The following KCNA2 variants were observed in gnomAD, a reference collection of about 807,000 sequenced individuals.
KCNA2 encodes the protein potassium channel, voltage gated shaker related subfamily A, member 2.
KCNA2 carries 11 observed loss-of-function variants against 33.4 expected under a neutral mutation model. That is an observed-to-expected ratio of 0.33 (90% CI 0.21 to 0.55). KCNA2 has a LOEUF of 0.55. KCNA2 is among the 20% of genes least tolerant of loss of function. The pLI is 0.93. For missense variants in KCNA2, 291 were observed against 621.6 expected, an observed-to-expected ratio of 0.47 and a Z score of 5.66; for synonymous variants, 222 against 231.3, an observed-to-expected ratio of 0.96 and a Z score of 0.37.
rs2101366501 is a variant in KCNA2, at chr1:110,598,030, C to T, written c.*5253G>A. ...AGTCTGAAGATATAGATGATGGTCACAATAGCTACTGAGAGAGCTCCCAGC... is the reference window on the plus strand; with the variant it reads ...AGTCTGAAGATATAGATGATGGTCATAATAGCTACTGAGAGAGCTCCCAGC... On this transcript the variant is annotated 3_prime_UTR_variant, in exon 3 of 3. Coordinates refer to ENST00000316361, the MANE Select transcript of KCNA2 (RefSeq NM_004974.4). 1.0e-6 allele frequency: 1 copy of T among 985,394 alleles called. No individual in the cohort carries two copies. Among genetic ancestry groups the T allele is most frequent in the Non-Finnish European group, 1.2e-6 (1 of 829,968 alleles). The allele number at this position is 985,394 out of a possible 1,614,324, so 61.0% of individuals were successfully genotyped here.
intron 1 of KCNA2, among the ~76,000 whole-genome samples, chr1:110,622,223 G>A (rs1018300486): frequency 2.6e-5 from 4 of 152,036 alleles, no homozygotes; most frequent in African/African-American, 9.7e-5. Context: ...TTCACCATAT[G>A]AAAAATATGA....
At position 110,595,521 on chromosome 1, in the gene KCNA2, A is replaced by G. The variant is rs1343199963; in HGVS notation, c.*7762T>C. 3.5e-5 allele frequency: 34 copies of G among 985,264 alleles called. No homozygotes were observed. The highest frequency in any genetic ancestry group is 4.0e-5 in the Non-Finnish European group (33 of 829,942). The allele number at this position is 985,264 out of a possible 1,614,324, so 61.0% of individuals were successfully genotyped here. Reference sequence around the variant, plus strand: ...TCAATTGCTCCAGATACAGTGAAAAATCCCTCCCACTCCCATCTAGGTAGA... The same window carrying G: ...TCAATTGCTCCAGATACAGTGAAAAGTCCCTCCCACTCCCATCTAGGTAGA... On this transcript the variant is annotated 3_prime_UTR_variant, in exon 3 of 3. Transcript: ENST00000316361.
intron 1 of KCNA2, among the ~76,000 whole-genome samples, chr1:110,620,055 A>AGAGCGAGAGC (rs1227091768): frequency 2.7e-5 from 2 of 72,836 alleles, no homozygotes; most frequent in South Asian, 9.6e-4. Context: ...AGCGAGAGCG[A>AGAGCGAGAGC]GAGAGAGAGA....
Position 110,595,561 on chromosome 1 carries a change from T to C in KCNA2, c.*7722A>G, listed in dbSNP as rs374449213. The C allele has an allele frequency of 6.3e-5, 62 of 985,404 alleles. No homozygotes were observed. The highest frequency in any genetic ancestry group is 2.3e-4 in the East Asian group (2 of 8,828). 61.0% of individuals were successfully genotyped at this position (985,404 alleles called of 1,614,324 possible). On this transcript the variant is annotated 3_prime_UTR_variant, in exon 3 of 3. Transcript: ENST00000316361. ...ATCTAGGTAGAAAGCAACAGTCAAA[T>C]GCAAGAGGTGAGGCTGAGAGAAACT...
At position 110,594,021 on chromosome 1, in the gene KCNA2, T is replaced by C; in HGVS notation, c.*9262A>G. 6.5e-7 allele frequency: 1 copy of C among 1,535,626 alleles called. No homozygotes were observed. The highest frequency in any genetic ancestry group is 1.4e-5 in the African/African-American group (1 of 72,698). On this transcript the variant is annotated 3_prime_UTR_variant, in exon 3 of 3. Transcript: ENST00000316361. ...CTGCTCCGCCTTCAGCTCTCATTGG[T>C]CCCCAGCCTCTTATCACCATGGAGA...
At position 110,595,549 on chromosome 1, in the gene KCNA2, G is replaced by A; in HGVS notation, c.*7734C>T. 1 of 985,498 alleles carries A rather than the reference G, an allele frequency of 1.0e-6. No homozygotes were observed. Among genetic ancestry groups the A allele is most frequent in the African/African-American group, 1.7e-5 (1 of 57,366 alleles). The allele number at this position is 985,498 out of a possible 1,614,324, so 61.0% of individuals were successfully genotyped here. ...CCTCCCACTCCCATCTAGGTAGAAAGCAACAGTCAAATGCAAGAGGTGAGG... is the reference window on the plus strand; with the variant it reads ...CCTCCCACTCCCATCTAGGTAGAAAACAACAGTCAAATGCAAGAGGTGAGG... On this transcript the variant is annotated 3_prime_UTR_variant, in exon 3 of 3. Transcript: ENST00000316361.
intron 1 of KCNA2, among the ~76,000 whole-genome samples, chr1:110,631,047 C>T (rs548566019): frequency 6.6e-6 from 1 of 152,280 alleles, no homozygotes; most frequent in Admixed American, 6.5e-5. Flanking sequence ...ACACTTAATG[C>T]TTTGGGATTG....
intron 1 of KCNA2, among the ~76,000 whole-genome samples, chr1:110,618,649 C>A (rs1650150140): frequency 6.6e-6 from 1 of 152,156 alleles, no homozygotes; most frequent in Non-Finnish European, 1.5e-5. Flanking sequence ...GACTTAGAGT[C>A]TAATTGGCAG....
In KCNA2 at chr1:110,594,186, G is replaced by C; in HGVS notation, c.*9097C>G. 1 of 1,224,508 alleles carries C rather than the reference G, an allele frequency of 8.2e-7. No homozygotes were observed. The highest frequency in any genetic ancestry group is 1.0e-6 in the Non-Finnish European group (1 of 979,208). 75.9% of individuals were successfully genotyped at this position (1,224,508 alleles called of 1,614,324 possible). ...ATTAGAGACAGGACATGGGAGGGCA[G>C]CTGAAGATTCATGCACAAGCAGCAA... On this transcript the variant is annotated 3_prime_UTR_variant, in exon 3 of 3. Transcript: ENST00000316361.
At chr1:110,631,230 G>T (rs1650552544) in intron 1 of KCNA2, among the ~76,000 whole-genome samples, 1 of 152,118 alleles carries the variant, frequency 6.6e-6, no homozygotes, top group Non-Finnish European at 1.5e-5. Flanking sequence ...CAAATCCCTT[G>T]TCTGGCCCTT....
intron 1 of KCNA2, among the ~76,000 whole-genome samples, chr1:110,625,000 T>G (rs1453319600): frequency 1.3e-5 from 2 of 152,192 alleles, no homozygotes; most frequent in East Asian, 3.8e-4. Context: ...CATCCTGACT[T>G]CTTCCTCCTT....
In KCNA2 at chr1:110,596,597, T is replaced by C; in HGVS notation, c.*6686A>G. The C allele has an allele frequency of 3.2e-6, 1 of 313,512 alleles. No homozygotes were observed. The highest frequency in any genetic ancestry group is 4.6e-6 in the Non-Finnish European group (1 of 215,942). The allele number at this position is 313,512 out of a possible 1,614,324, so 19.4% of individuals were successfully genotyped here. A position where few individuals can be genotyped will look rare whatever the true frequency, so the allele number is the denominator to read the frequency against. Reference sequence around the variant, plus strand: ...ATGTCCACTACTGTACAATAAGCATTGAGGTTTACAATGTTGACCCTGAGC... The same window carrying C: ...ATGTCCACTACTGTACAATAAGCATCGAGGTTTACAATGTTGACCCTGAGC... On this transcript the variant is annotated 3_prime_UTR_variant, in exon 3 of 3. Transcript: ENST00000316361.
In KCNA2 at chr1:110,598,992, C is replaced by T. The variant is rs544069515; in HGVS notation, c.*4291G>A. On this transcript the variant is annotated 3_prime_UTR_variant, in exon 3 of 3. Transcript: ENST00000316361. ...CCACAGAGGCACTTGATGAAGCCAA[C>T]AGGAATGGTACCTTGACCTGGAAAC... The T allele has an allele frequency of 2.0e-6, 2 of 985,396 alleles. No individual in the cohort carries two copies. Among genetic ancestry groups the T allele is most frequent in the East Asian group, 1.1e-4 (1 of 8,814 alleles). 61.0% of individuals were successfully genotyped at this position (985,396 alleles called of 1,614,324 possible).
Position 110,597,733 on chromosome 1 carries a change from C to A in KCNA2, c.*5550G>T. On this transcript the variant is annotated 3_prime_UTR_variant, in exon 3 of 3. Transcript: ENST00000316361. ...CTGATAATCCAGGTACTATCTATCACTTTTCAGTCCTGAGAGCAAGATTTT... is the reference window on the plus strand; with the variant it reads ...CTGATAATCCAGGTACTATCTATCAATTTTCAGTCCTGAGAGCAAGATTTT... 2 of 985,370 alleles carry A rather than the reference C, an allele frequency of 2.0e-6. No individual in the cohort carries two copies. The highest frequency in any genetic ancestry group is 2.4e-6 in the Non-Finnish European group (2 of 829,886). 61.0% of individuals were successfully genotyped at this position (985,370 alleles called of 1,614,324 possible). A position where few individuals can be genotyped will look rare whatever the true frequency, so the allele number is the denominator to read the frequency against.
chr1:110,615,869 T>A (rs1650032669), intron 1 of KCNA2, among the ~76,000 whole-genome samples: 1 of 152,302 alleles, frequency 6.6e-6, no homozygotes, highest in African/African-American at 2.4e-5. Context: ...CCTGTCCCTC[T>A]CACACTCGCA....
Position 110,604,528 on chromosome 1 carries a change from A to G in KCNA2, c.255T>C (p.Phe85=). Residue 85 remains phenylalanine, a synonymous_variant, in exon 3 of 3, where the codon TTT becomes TTC. Coordinates refer to ENST00000316361, the MANE Select transcript of KCNA2 (RefSeq NM_004974.4). The surrounding 1 kb of genome is among the most constrained non-coding windows in gnomAD (Gnocchi z 7.6). Reference sequence around the variant, plus strand: ...ACTGGTAGTAGTACAAAATGGCATCAAAGCTAGGGCGGTTCCGATCGAAAA... The same window carrying G: ...ACTGGTAGTAGTACAAAATGGCATCGAAGCTAGGGCGGTTCCGATCGAAAA... ...EYFFDRNRPS[F]DAILYYYQSG... The G allele has an allele frequency of 6.2e-7, 1 of 1,614,222 alleles. No individual in the cohort carries two copies.
chr1:110,616,041 T>C (rs1650038948), intron 1 of KCNA2, among the ~76,000 whole-genome samples: 1 of 152,240 alleles, frequency 6.6e-6, no homozygotes, highest in Non-Finnish European at 1.5e-5. Flanking sequence ...CCTGAGTTTC[T>C]TTCTGCCTTG....
intron 1 of KCNA2, among the ~76,000 whole-genome samples, chr1:110,625,379 A>G (rs1650364224): frequency 6.6e-6 from 1 of 152,204 alleles, no homozygotes; most frequent in South Asian, 2.1e-4. Flanking sequence ...TCATATAACA[A>G]TGAGAGTAGG....
At position 110,604,917 on chromosome 1, in the gene KCNA2, C is replaced by T; in HGVS notation, c.-135G>A. ...CCTGCAGGAGAGCCCCGAGAGCTCT[C>T]TGAGAGCTGGAGAGACAGCCTCGCT... On this transcript the variant is annotated 5_prime_UTR_variant, in exon 3 of 3. Transcript: ENST00000316361. This position sits in a 1 kb window ranked among gnomAD's most constrained non-coding sequence, Gnocchi z 7.6. The T allele has an allele frequency of 2.5e-6, 2 of 807,018 alleles. No homozygotes were observed. The allele number at this position is 807,018 out of a possible 1,614,324, so 50.0% of individuals were successfully genotyped here.
Sources: allele counts gnomAD v4.1 joint callset (sites outside exome capture counted in the v4.1 genomes callset), GRCh38; gene constraint gnomAD v4.1.1; non-coding constraint Gnocchi (gnomAD v3.1); transcripts MANE v1.5; gene names NCBI Gene and HGNC (gene_info 2026-07-23, HGNC 2026-07-21).